Variants in ADCY2 observed in about 807,000 individuals in gnomAD.
ADCY2 encodes the protein adenylate cyclase 2, also known as adenylate cyclase type 2.
In ADCY2, 31 loss-of-function variants were observed where a neutral mutation model predicts 125.2. The ratio of observed to expected loss-of-function variants is 0.25; its 90% confidence interval spans 0.19 to 0.33. The LOEUF is 0.33. Ranked by LOEUF, ADCY2 falls within the 10% of genes least tolerant of loss-of-function variation. The pLI, the probability that ADCY2 is intolerant of heterozygous loss-of-function variation, is 1.00. For missense variants in ADCY2, 904 were observed against 1,418.2 expected, an observed-to-expected ratio of 0.64 and a Z score of 5.82; for synonymous variants, 512 against 548.4, an observed-to-expected ratio of 0.93 and a Z score of 0.93.
intron 20 of ADCY2, chr5:7,795,534 G>GC (rs1394630547): frequency 6.6e-6 from 1 of 152,270 alleles, no homozygotes; most frequent in Non-Finnish European, 1.5e-5. Context: ...GAATGCAGAG[G>GC]CCCCGGGGGA....
intron 2 of ADCY2, among the ~76,000 whole-genome samples, chr5:7,474,920 C>G (rs1399169636): frequency 6.6e-6 from 1 of 152,218 alleles, no homozygotes; most frequent in Non-Finnish European, 1.5e-5. Flanking sequence ...AGGCCAGCCA[C>G]AATGGGCAGC....
At position 7,764,641 on chromosome 5, in the gene ADCY2, T is replaced by G. The variant is rs150202807; in HGVS notation, c.2095-2046T>G. Reference sequence around the variant, plus strand: ...AAAATATGCAGTGTTCATTAGCATTTTATTTAGGATGTTTTGAACAGATTG... The same window carrying G: ...AAAATATGCAGTGTTCATTAGCATTGTATTTAGGATGTTTTGAACAGATTG... On this transcript the variant is annotated intron_variant, in intron 16 of 24. Coordinates refer to ENST00000338316, the MANE Select transcript of ADCY2 (RefSeq NM_020546.3). Among the ~76,000 whole-genome samples, 3 of 152,352 alleles carry G rather than the reference T, an allele frequency of 2.0e-5. No homozygotes were observed. The East Asian group carries it at 5.8e-4, about 29-fold the overall frequency.
At chr5:7,478,507 A>C (rs911362313) in intron 2 of ADCY2, among the ~76,000 whole-genome samples, 1 of 152,210 alleles carries the variant, frequency 6.6e-6, no homozygotes, top group African/African-American at 2.4e-5. Flanking sequence ...CTGTTGAATG[A>C]ATGTTGTATC....
At chr5:7,798,370 C>T (rs952278603) in intron 20 of ADCY2, 1 of 152,154 alleles carries the variant, frequency 6.6e-6, no homozygotes, top group Non-Finnish European at 1.5e-5. Flanking sequence ...TAATAGGAAG[C>T]TGTCCTGCCT....
intron 3 of ADCY2, among the ~76,000 whole-genome samples, chr5:7,576,150 C>T (rs543030187): frequency 2.0e-5 from 3 of 152,280 alleles, no homozygotes; most frequent in South Asian, 2.1e-4. Flanking sequence ...GGAGCGGAGC[C>T]GAAAATGTTT....
At chr5:7,578,712 T>C (rs1156766040) in intron 3 of ADCY2, among the ~76,000 whole-genome samples, 3 of 152,148 alleles carry the variant, frequency 2.0e-5, no homozygotes, top group Admixed American at 2.0e-4. Flanking sequence ...GTATTTCTAG[T>C]TTTCATATTT....
chr5:7,530,631 A>G (rs547309916), intron 3 of ADCY2, among the ~76,000 whole-genome samples: 17 of 152,180 alleles, frequency 1.1e-4, no homozygotes, highest in African/African-American at 3.9e-4. Flanking sequence ...TATCCAAAAA[A>G]CAACTCTGAT....
chr5:7,650,578 G>T (rs113430079), intron 4 of ADCY2, among the ~76,000 whole-genome samples: 4 of 152,246 alleles, frequency 2.6e-5, no homozygotes, highest in African/African-American at 9.6e-5. Flanking sequence ...TCCTTCCTGA[G>T]CCCACTGCGT....
intron 3 of ADCY2, among the ~76,000 whole-genome samples, chr5:7,596,033 TA>T (rs148850853): frequency 0.055 from 8,383 of 152,260 alleles, 270 homozygotes; most frequent in Middle Eastern, 0.11. Flanking sequence ...GCTAGTTTAA[TA>T]TAATCCTTTC....
chr5:7,611,870 A>G (rs981052787), intron 3 of ADCY2, among the ~76,000 whole-genome samples: 6 of 152,238 alleles, frequency 3.9e-5, no homozygotes, highest in African/African-American at 1.4e-4. Context: ...TCCAAAGCTC[A>G]TCTAGGCACA....
chr5:7,549,634 A>T (rs1735261934), intron 3 of ADCY2, among the ~76,000 whole-genome samples: 1 of 152,180 alleles, frequency 6.6e-6, no homozygotes, highest in Admixed American at 6.5e-5. Context: ...TCTCCCTGTG[A>T]TTATGACTCC....
At chr5:7,485,210 A>C (rs1742879929) in intron 2 of ADCY2, among the ~76,000 whole-genome samples, 1 of 152,226 alleles carries the variant, frequency 6.6e-6, no homozygotes. Flanking sequence ...CAGACATTTA[A>C]AACTTTTATA....
rs931740837 is a variant in ADCY2, at chr5:7,828,610, CAA to C, written c.*1740_*1741del. The C allele has an allele frequency of 7.9e-5, 12 of 152,318 alleles. No homozygotes were observed. Among genetic ancestry groups the C allele is most frequent in the African/African-American group, 2.7e-4 (11 of 41,438 alleles). 9.4% of individuals were successfully genotyped at this position (152,318 alleles called of 1,614,324 possible). Reference sequence around the variant, plus strand: ...GCATGACTTATTTAGTATTCTGCCTCAATGGGGAATTTTTTGATCCTGTAATC... The same window carrying C: ...GCATGACTTATTTAGTATTCTGCCTCTGGGGAATTTTTTGATCCTGTAATC... On this transcript the variant is annotated 3_prime_UTR_variant, in exon 25 of 25. Coordinates refer to ENST00000338316, the MANE Select transcript of ADCY2 (RefSeq NM_020546.3).
intron 2 of ADCY2, among the ~76,000 whole-genome samples, chr5:7,457,702 A>G (rs1367895568): frequency 2.0e-5 from 3 of 152,138 alleles, no homozygotes; most frequent in African/African-American, 7.2e-5. Context: ...CTAATGCTCT[A>G]TTGGCTAAGG....
At chr5:7,475,955 A>G (rs982285395) in intron 2 of ADCY2, among the ~76,000 whole-genome samples, 3 of 152,212 alleles carry the variant, frequency 2.0e-5, no homozygotes, top group African/African-American at 7.2e-5. Context: ...ATATGTGAGT[A>G]ATGTACTTAA....
At chr5:7,450,286 C>G (rs1185788170) in intron 2 of ADCY2, among the ~76,000 whole-genome samples, 1 of 152,198 alleles carries the variant, frequency 6.6e-6, no homozygotes, top group African/African-American at 2.4e-5. Flanking sequence ...AAATGCTACT[C>G]TAGTGAACAC....
chr5:7,598,535 T>A (rs1737086126), intron 3 of ADCY2, among the ~76,000 whole-genome samples: 1 of 152,186 alleles, frequency 6.6e-6, no homozygotes, highest in South Asian at 2.1e-4. Flanking sequence ...GTTCTGGAAT[T>A]TTGTATTCTA....
chr5:7,654,084 T>C lies in ADCY2; in HGVS notation c.720+27768T>C, dbSNP rs569234956. On this transcript the variant is annotated intron_variant, in intron 4 of 24. Transcript: ENST00000338316. Reference sequence around the variant, plus strand: ...AGCAGATCAGTAGCATTTACCACCCTGAGGCTGGGCGCAGTCACCACGGGA... The same window carrying C: ...AGCAGATCAGTAGCATTTACCACCCCGAGGCTGGGCGCAGTCACCACGGGA... 2.7e-4 allele frequency: 122 copies of C among 456,134 alleles called. 1 individual carries two copies. Among genetic ancestry groups the C allele is most frequent in the South Asian group, 1.8e-3 (117 of 64,558 alleles). 28.3% of individuals were successfully genotyped at this position (456,134 alleles called of 1,614,324 possible). A position where few individuals can be genotyped will look rare whatever the true frequency, so the allele number is the denominator to read the frequency against.
At chr5:7,653,025 C>T (rs144907778) in intron 4 of ADCY2, among the ~76,000 whole-genome samples, 2 of 152,262 alleles carry the variant, frequency 1.3e-5, no homozygotes, top group African/African-American at 4.8e-5. Flanking sequence ...GAGTTGTTTC[C>T]ATGTTACTGT....
Sources: allele counts gnomAD v4.1 joint callset (sites outside exome capture counted in the v4.1 genomes callset), GRCh38; gene constraint gnomAD v4.1.1; transcripts MANE v1.5; gene names NCBI Gene and HGNC (gene_info 2026-07-23, HGNC 2026-07-21).